Variants in KCNIP4 observed in about 807,000 individuals in gnomAD.
KCNIP4 encodes Kv channel-interacting protein 4.
KCNIP4 carries 12 observed loss-of-function variants against 34.0 expected under a neutral mutation model. The ratio of observed to expected loss-of-function variants is 0.35; its 90% CI spans 0.23 to 0.57. The LOEUF (loss-of-function observed/expected upper bound fraction) is 0.57. Among genes scored for constraint, KCNIP4 ranks in the 20% least tolerant of loss-of-function variants. The pLI is 0.83. For synonymous variants in KCNIP4, 124 were observed against 102.2 expected (o/e 1.21, Z -1.29); for missense variants, 238 against 311.7 (o/e 0.76, Z 1.78).
chr4:21,732,683 C>T (rs201608816), intron 1 of KCNIP4, among the ~76,000 whole-genome samples: 4 of 103,780 alleles, frequency 3.9e-5, no homozygotes, highest in African/African-American at 2.2e-4. Context: ...CTGGGGTATT[C>T]GGTCTTGCCT....
At chr4:21,814,767 T>C (rs1435670309) in intron 1 of KCNIP4, among the ~76,000 whole-genome samples, 1 of 152,126 alleles carries the variant, frequency 6.6e-6, no homozygotes, top group Non-Finnish European at 1.5e-5. Flanking sequence ...GTTCACTACC[T>C]TCAGACTAAG....
intron 6 of KCNIP4, among the ~76,000 whole-genome samples, chr4:20,733,608 A>T (rs112843058): frequency 4.6e-5 from 7 of 152,230 alleles, no homozygotes; most frequent in African/African-American, 1.4e-4. Context: ...TGTTAGACAC[A>T]GGCAGAATTC....
At chr4:20,732,123 A>C in intron 7 of KCNIP4, 55 bp from the exon 8 acceptor site, 2 of 1,191,738 alleles carry the variant, frequency 1.7e-6, no homozygotes, top group Non-Finnish European at 2.5e-6. Context: ...ATACCCTCAC[A>C]CCTGGACCAA....
intron 1 of KCNIP4, among the ~76,000 whole-genome samples, chr4:21,860,833 T>A (rs62301417): frequency 2.2e-4 from 33 of 152,236 alleles, no homozygotes; most frequent in Non-Finnish European, 3.7e-4. Context: ...TGTCACAGTC[T>A]ACAAATATTC....
chr4:21,335,248 A>G (rs544503136), intron 1 of KCNIP4, among the ~76,000 whole-genome samples: 7 of 152,166 alleles, frequency 4.6e-5, no homozygotes, highest in Admixed American at 2.0e-4. Flanking sequence ...GCATCTCGGC[A>G]TCTTAACTTG....
intron 1 of KCNIP4, among the ~76,000 whole-genome samples, chr4:21,496,716 G>C (rs1249605585): frequency 6.6e-6 from 1 of 152,198 alleles, no homozygotes; most frequent in African/African-American, 2.4e-5. Flanking sequence ...CGACTGGTGA[G>C]CAGGCATTAC....
chr4:21,238,675 T>C (rs1450942694), intron 1 of KCNIP4, among the ~76,000 whole-genome samples: 3 of 152,174 alleles, frequency 2.0e-5, no homozygotes, highest in Non-Finnish European at 2.9e-5. Context: ...TTACAAGGGA[T>C]GTGAAGAACC....
At chr4:20,817,307 C>G (rs756060660) in intron 3 of KCNIP4, among the ~76,000 whole-genome samples, 25 of 152,118 alleles carry the variant, frequency 1.6e-4, no homozygotes, top group Non-Finnish European at 3.1e-4. Context: ...TTCCTAAAAC[C>G]CTTAGTTTGC....
intron 1 of KCNIP4, among the ~76,000 whole-genome samples, chr4:21,174,096 C>T (rs1250401940): frequency 2.6e-5 from 4 of 152,098 alleles, no homozygotes; most frequent in African/African-American, 7.2e-5. Flanking sequence ...TCTAAGTTGG[C>T]GGTTAGTTGA....
intron 1 of KCNIP4, among the ~76,000 whole-genome samples, chr4:21,281,096 T>A (rs924319717): frequency 4.6e-5 from 7 of 150,646 alleles, no homozygotes; most frequent in Non-Finnish European, 8.9e-5. Flanking sequence ...TCTTTTTTTT[T>A]TTTTTTTTGA....
intron 1 of KCNIP4, among the ~76,000 whole-genome samples, chr4:21,325,288 G>T (rs1191948337): frequency 2.6e-5 from 4 of 151,560 alleles, no homozygotes; most frequent in Non-Finnish European, 5.9e-5. Context: ...ACTTGTAATT[G>T]GCCTGCTAAG....
At chr4:21,693,872 G>C (rs1051682076) in intron 1 of KCNIP4, among the ~76,000 whole-genome samples, 6 of 152,058 alleles carry the variant, frequency 3.9e-5, no homozygotes, top group African/African-American at 1.2e-4. Context: ...GCTTCCCTTA[G>C]GTGGAGAATT....
chr4:21,522,761 A>T (rs1735648332), intron 1 of KCNIP4, among the ~76,000 whole-genome samples: 1 of 152,026 alleles, frequency 6.6e-6, no homozygotes, highest in African/African-American at 2.4e-5. Flanking sequence ...TAAAGTGAGG[A>T]TGAAAAAAAA....
At chr4:21,025,396 T>C (rs1378769620) in intron 1 of KCNIP4, among the ~76,000 whole-genome samples, 4 of 151,374 alleles carry the variant, frequency 2.6e-5, no homozygotes, top group African/African-American at 9.7e-5. Context: ...TCCAAGTGTT[T>C]AGCAAGTGAC....
At chr4:21,448,436 T>A (rs553991792) in intron 1 of KCNIP4, among the ~76,000 whole-genome samples, 29 of 152,182 alleles carry the variant, frequency 1.9e-4, no homozygotes, top group Non-Finnish European at 2.9e-4. Context: ...GTGCCCTTCA[T>A]AATTGGAAAG....
chr4:20,734,104 T>C (rs1578422150), intron 6 of KCNIP4, among the ~76,000 whole-genome samples: 1 of 152,214 alleles, frequency 6.6e-6, no homozygotes, highest in African/African-American at 2.4e-5. Flanking sequence ...TCCATCCCTT[T>C]CTTTACTTCT....
At chr4:20,813,104 G>A (rs1715973044) in intron 3 of KCNIP4, among the ~76,000 whole-genome samples, 1 of 152,148 alleles carries the variant, frequency 6.6e-6, no homozygotes, top group Admixed American at 6.5e-5. Flanking sequence ...GTGCCCAGAA[G>A]GATGGAGGCC....
At chr4:20,773,759 T>TA (rs370032517) in intron 3 of KCNIP4, among the ~76,000 whole-genome samples, 4 of 152,174 alleles carry the variant, frequency 2.6e-5, no homozygotes, top group Admixed American at 1.3e-4. Context: ...TTAGATAATT[T>TA]AAAAAATTAA....
chr4:20,954,566 A>G (rs535534386), intron 1 of KCNIP4, among the ~76,000 whole-genome samples: 2 of 152,326 alleles, frequency 1.3e-5, no homozygotes, highest in South Asian at 2.1e-4. Flanking sequence ...AAACAACAAC[A>G]AGAGTGCCAC....
Sources: allele counts gnomAD v4.1 joint callset (sites outside exome capture counted in the v4.1 genomes callset), GRCh38; gene constraint gnomAD v4.1.1; transcripts MANE v1.5; gene names NCBI Gene and HGNC (gene_info 2026-07-23, HGNC 2026-07-21).